KIF26A: variants seen among roughly 807,000 people sequenced by gnomAD.
KIF26A encodes kinesin-like protein KIF26A.
In KIF26A, 74 loss-of-function variants were observed where a neutral mutation model predicts 126.0. That is an observed-to-expected ratio of 0.59 (90% CI 0.49 to 0.71). KIF26A has a LOEUF of 0.71. Among genes scored for constraint, KIF26A ranks in the 30% least tolerant of loss-of-function variants. The pLI, the probability that KIF26A is intolerant of heterozygous loss-of-function variation, is 0.00. For missense variants in KIF26A, 2,984 were observed against 2,763.3 expected, an observed-to-expected ratio of 1.08 and a Z score of -1.79; for synonymous variants, 1,445 against 1,232.7, an observed-to-expected ratio of 1.17 and a Z score of -3.61.
chr14:104,165,903 G>T (rs1355112315), intron 4 of KIF26A, among the ~76,000 whole-genome samples: 1 of 152,174 alleles, frequency 6.6e-6, no homozygotes, highest in African/African-American at 2.4e-5. Flanking sequence ...GTCCACCCCA[G>T]TGGCTCCCAA....
Position 104,179,808 on chromosome 14 carries a change from G to A in KIF26A, c.*18G>A, listed in dbSNP as rs1183995590. The A allele has an allele frequency of 1.1e-5, 17 of 1,509,870 alleles. No individual in the cohort carries two copies. Among genetic ancestry groups the A allele is most frequent in the Non-Finnish European group, 1.5e-5 (17 of 1,128,896 alleles). 93.5% of individuals were successfully genotyped at this position (1,509,870 alleles called of 1,614,324 possible). ...ACGTCTGAGGCTGGGCGCCGGACAAGAGGAGGGGGCGTGCAGCGGGCTGGA... is the reference window on the plus strand; with the variant it reads ...ACGTCTGAGGCTGGGCGCCGGACAAAAGGAGGGGGCGTGCAGCGGGCTGGA... On this transcript the variant is annotated 3_prime_UTR_variant, in exon 15 of 15. Transcript: ENST00000423312.
chr14:104,154,855 C>T (rs775178806), intron 3 of KIF26A, among the ~76,000 whole-genome samples: 4 of 152,162 alleles, frequency 2.6e-5, no homozygotes, highest in Non-Finnish European at 4.4e-5. Flanking sequence ...CCCTGAGGAG[C>T]GGGGGTGCCT....
intron 2 of KIF26A, among the ~76,000 whole-genome samples, chr14:104,143,627 C>T (rs913239827): frequency 9.2e-5 from 14 of 152,340 alleles, no homozygotes; most frequent in Non-Finnish European, 1.3e-4. Flanking sequence ...AGGCAATGGT[C>T]CTGGGAGGGT....
In KIF26A at chr14:104,175,063, C is replaced by T; in HGVS notation, c.2275C>T (p.Pro759Ser). 1 of 1,586,794 alleles carries T rather than the reference C, an allele frequency of 6.3e-7. No individual in the cohort carries two copies. ...RRPPHLRPFH[P>S]RTVALDPDRT... ...GCCCCCGCACCTGCGGCCCTTCCACCCACGCACTGTGGCCCTGGACCCCGA... is the reference window on the plus strand; with the variant it reads ...GCCCCCGCACCTGCGGCCCTTCCACTCACGCACTGTGGCCCTGGACCCCGA... Residue 759 changes from proline to serine, a missense_variant, in exon 12 of 15, where the codon CCA (proline) becomes TCA (serine). By Grantham distance (74) the Pro-to-Ser change is moderately conservative (BLOSUM62 -1). Transcript: ENST00000423312.
rs539507052 is a variant in KIF26A, at chr14:104,148,746, C to T, written c.289-3269C>T. ...AGGGCTGCGTCTGGGGTCTGCTGTG[C>T]GGGGAGCAGTCAGTGGTGTGGGAGA... is the stretch of plus-strand genomic sequence containing the variant. On this transcript the variant is annotated intron_variant, in intron 2 of 14. Coordinates refer to ENST00000423312, the MANE Select transcript of KIF26A (RefSeq NM_015656.2). This position sits in a 1 kb window ranked among gnomAD's most constrained non-coding sequence, Gnocchi z 4.3. 4.6e-5 allele frequency among the ~76,000 whole-genome samples: 7 copies of T among 152,084 alleles called. No homozygotes were observed. In the East Asian group the frequency reaches 1.2e-3, roughly 25 times the overall value.
rs548656902 is a variant in KIF26A at position 104,166,176 on chromosome 14, T to C, written c.924-683T>C. On this transcript the variant is annotated intron_variant, in intron 4 of 14. Coordinates refer to ENST00000423312, the MANE Select transcript of KIF26A (RefSeq NM_015656.2). ...TCCCAGCAGCCCTGAGTGACGAGGG[T>C]GGCAGGGGCCCAGGAGCTGGGCAGT... is the stretch of plus-strand genomic sequence containing the variant. Among the ~76,000 whole-genome samples the C allele has an allele frequency of 2.3e-4, 30 of 130,208 alleles. No individual in the cohort carries two copies. In the South Asian group the frequency reaches 6.5e-3, roughly 28 times the overall value. The allele number at this position is 130,208 out of a possible 152,430, so 85.4% of individuals were successfully genotyped here. A position where few individuals can be genotyped will look rare whatever the true frequency, so the allele number is the denominator to read the frequency against.
At chr14:104,142,363 C>T (rs1220567826) in intron 2 of KIF26A, among the ~76,000 whole-genome samples, 1 of 151,656 alleles carries the variant, frequency 6.6e-6, no homozygotes, top group Non-Finnish European at 1.5e-5. Context: ...CCTCTGCTCT[C>T]ACCAGGGTCC....
rs375956170 is a variant in KIF26A at position 104,158,043 on chromosome 14, A to G, written c.923+101A>G. On this transcript the variant is annotated intron_variant, in intron 4 of 14. Transcript: ENST00000423312. ...GGGCCGTTCTTGGGGGACCTCGGGCATGCTTGCTGCTGAGACGAGTGGATG... is the reference window on the plus strand; with the variant it reads ...GGGCCGTTCTTGGGGGACCTCGGGCGTGCTTGCTGCTGAGACGAGTGGATG... The G allele has an allele frequency of 7.5e-4, 861 of 1,148,234 alleles. 16 individuals carry two copies. The South Asian group carries it at 0.014, about 19-fold the overall frequency. 71.1% of individuals were successfully genotyped at this position (1,148,234 alleles called of 1,614,324 possible). A position where few individuals can be genotyped will look rare whatever the true frequency, so the allele number is the denominator to read the frequency against.
Position 104,177,348 on chromosome 14 carries a change from C to A in KIF26A, c.4560C>A (p.Ala1520=). 2 of 1,500,102 alleles carry A rather than the reference C, an allele frequency of 1.3e-6. No homozygotes were observed. The highest frequency in any genetic ancestry group is 1.8e-6 in the Non-Finnish European group (2 of 1,127,726). 92.9% of individuals were successfully genotyped at this position (1,500,102 alleles called of 1,614,324 possible). Reference sequence around the variant, plus strand: ...GGCCTTCGGTGAAGCTGTCTACGGCCTCTGTGACGGGCAGGAGCCCTGGCG... The same window carrying A: ...GGCCTTCGGTGAAGCTGTCTACGGCATCTGTGACGGGCAGGAGCCCTGGCG... ...ALGPSVKLST[A]SVTGRSPGGP... is the part of the protein sequence containing the mutation. Residue 1520 remains alanine, a synonymous_variant, in exon 12 of 15, where the codon GCC becomes GCA. Transcript: ENST00000423312.
chr14:104,167,456 G>A (rs1022380511), intron 5 of KIF26A, among the ~76,000 whole-genome samples: 2 of 152,088 alleles, frequency 1.3e-5, no homozygotes, highest in Admixed American at 1.3e-4. Context: ...GTGCAGGCGG[G>A]CCCCTGCCAT....
intron 2 of KIF26A, among the ~76,000 whole-genome samples, chr14:104,144,448 CA>C (rs1232753540): frequency 6.6e-6 from 1 of 152,136 alleles, no homozygotes; most frequent in Non-Finnish European, 1.5e-5. Context: ...AGGCTACCCC[CA>C]AACCTTCAGC....
At chr14:104,170,932 G>A (rs927800283) in intron 5 of KIF26A, among the ~76,000 whole-genome samples, 4 of 152,218 alleles carry the variant, frequency 2.6e-5, no homozygotes, top group African/African-American at 4.8e-5. Flanking sequence ...CTTTGGAGAC[G>A]CCATTGCTTC....
intron 2 of KIF26A, among the ~76,000 whole-genome samples, chr14:104,146,101 T>C (rs1426096240): frequency 6.6e-6 from 1 of 152,164 alleles, no homozygotes; most frequent in African/African-American, 2.4e-5. Context: ...ACCCTGGTGG[T>C]GTGGCCTGAG....
intron 4 of KIF26A, among the ~76,000 whole-genome samples, chr14:104,161,048 G>T (rs1315481146): frequency 6.6e-6 from 1 of 152,210 alleles, no homozygotes; most frequent in African/African-American, 2.4e-5. Context: ...GGCTTAGCTG[G>T]GGACCCACAT....
rs2037740183 is a variant in KIF26A at position 104,152,522 on chromosome 14, CG to C, written c.735+66del. The C allele has an allele frequency of 1.4e-6, 2 of 1,451,386 alleles. No homozygotes were observed. The highest frequency in any genetic ancestry group is 1.4e-5 in the African/African-American group (1 of 70,102). The allele number at this position is 1,451,386 out of a possible 1,614,324, so 89.9% of individuals were successfully genotyped here. A position where few individuals can be genotyped will look rare whatever the true frequency, so the allele number is the denominator to read the frequency against. Reference sequence around the variant, plus strand: ...CTCCTTGTCAGAACTGGGCTTCCTTCGGGGGTCTCTGTCCACGTTGAGTGCC... The same window carrying C: ...CTCCTTGTCAGAACTGGGCTTCCTTCGGGGTCTCTGTCCACGTTGAGTGCC... On this transcript the variant is annotated intron_variant, in intron 3 of 14. Coordinates refer to ENST00000423312, the MANE Select transcript of KIF26A (RefSeq NM_015656.2). The surrounding 1 kb of genome is among the most constrained non-coding windows in gnomAD (Gnocchi z 5.9).
At chr14:104,165,659 GTATCTGTGTTTC>G (rs1566861006) in intron 4 of KIF26A, among the ~76,000 whole-genome samples, 7 of 144,448 alleles carry the variant, frequency 4.8e-5, no homozygotes, top group African/African-American at 2.0e-4. Flanking sequence ...GCATGTGTGT[GTATCTGTGTTTC>G]TGTATGCATA....
Position 104,157,840 on chromosome 14 carries a change from C to G in KIF26A, c.821C>G (p.Ala274Gly). 6.2e-7 allele frequency: 1 copy of G among 1,609,156 alleles called. No individual in the cohort carries two copies. The highest frequency in any genetic ancestry group is 1.7e-5 in the Admixed American group (1 of 59,754). Reference protein sequence around the residue: ...PVAGPDGLSKAWGRGGVCTSA... With the variant: ...PVAGPDGLSKGWGRGGVCTSA... ...GCCGGCCCTGATGGCTTGTCGAAGG[C>G]CTGGGGCCGTGGTGGAGTCTGCACG... The change falls in exon 4 of 15, where the codon GCC becomes GGC. Residue 274 changes from alanine (A) to glycine (G), a missense_variant. Coordinates refer to ENST00000423312, the MANE Select transcript of KIF26A (RefSeq NM_015656.2).
chr14:104,159,251 G>A (rs1390635901), intron 4 of KIF26A, among the ~76,000 whole-genome samples: 1 of 152,238 alleles, frequency 6.6e-6, no homozygotes, highest in Non-Finnish European at 1.5e-5. Flanking sequence ...TCCCCCGTGT[G>A]TGGGACAGCC....
chr14:104,154,459 T>C (rs998373060), intron 3 of KIF26A, among the ~76,000 whole-genome samples: 1 of 152,168 alleles, frequency 6.6e-6, no homozygotes, highest in Admixed American at 6.5e-5. Flanking sequence ...ATCCCACATC[T>C]TGAGCATCCA....
Sources: allele counts gnomAD v4.1 joint callset (sites outside exome capture counted in the v4.1 genomes callset), GRCh38; gene constraint gnomAD v4.1.1; non-coding constraint Gnocchi (gnomAD v3.1); transcripts MANE v1.5; gene names NCBI Gene and HGNC (gene_info 2026-07-23, HGNC 2026-07-21).